The following PTPRD variants were observed in gnomAD, a reference collection of about 807,000 sequenced individuals.
PTPRD encodes receptor-type tyrosine-protein phosphatase delta.
Under a neutral mutation model 214.5 loss-of-function variants are expected in PTPRD, and 34 were observed. The ratio of observed to expected loss-of-function variants is 0.16; its 90% CI spans 0.12 to 0.21. The LOEUF (loss-of-function observed/expected upper bound fraction) is 0.21, where lower values mean the gene tolerates loss of function less well. PTPRD is among the 10% of genes least tolerant of loss of function. The pLI is 1.00. For synonymous variants in PTPRD, 1,128 were observed against 845.7 expected, an observed-to-expected ratio of 1.33 and a Z score of -5.79; for missense variants, 2,545 against 2,398.7, an observed-to-expected ratio of 1.06 and a Z score of -1.27.
intron 12 of PTPRD, among the ~76,000 whole-genome samples, chr9:8,730,999 G>T (rs1300881664): frequency 6.6e-6 from 1 of 152,088 alleles, no homozygotes; most frequent in Non-Finnish European, 1.5e-5. Context: ...AAATAATAGT[G>T]GATATACAAG....
chr9:9,611,251 T>A (rs2094496279), intron 7 of PTPRD, among the ~76,000 whole-genome samples: 1 of 152,202 alleles, frequency 6.6e-6, no homozygotes, highest in African/African-American at 2.4e-5. Flanking sequence ...TGATGACATA[T>A]AAATAACAGA....
intron 9 of PTPRD, among the ~76,000 whole-genome samples, chr9:9,208,835 T>C (rs1334272351): frequency 1.3e-5 from 2 of 150,456 alleles, no homozygotes; most frequent in Non-Finnish European, 3.0e-5. Flanking sequence ...TGAGATGGAG[T>C]CTCGCTCTGT....
intron 5 of PTPRD, among the ~76,000 whole-genome samples, chr9:9,769,784 G>A (rs1055538181): frequency 2.2e-4 from 33 of 149,498 alleles, no homozygotes; most frequent in Admixed American, 8.0e-4. Flanking sequence ...AACAGGCCCC[G>A]GTGTGTGATG....
At chr9:9,426,630 G>A (rs1029140070) in intron 8 of PTPRD, among the ~76,000 whole-genome samples, 3 of 152,160 alleles carry the variant, frequency 2.0e-5, no homozygotes, top group Admixed American at 6.5e-5. Flanking sequence ...CCTGACCCCC[G>A]AGTCGCCTAA....
chr9:10,498,264 C>A (rs921477070), intron 2 of PTPRD, among the ~76,000 whole-genome samples: 1 of 151,848 alleles, frequency 6.6e-6, no homozygotes, highest in African/African-American at 2.4e-5. Context: ...GTTATGACTT[C>A]CTCCTAAGGG....
intron 7 of PTPRD, among the ~76,000 whole-genome samples, chr9:9,580,895 T>C (rs990261264): frequency 6.6e-6 from 1 of 152,042 alleles, no homozygotes; most frequent in African/African-American, 2.4e-5. Flanking sequence ...GTTGTTAAGT[T>C]GTTTGAGTTC....
intron 12 of PTPRD, among the ~76,000 whole-genome samples, chr9:8,646,393 G>T (rs914475643): frequency 1.1e-4 from 16 of 152,062 alleles, no homozygotes; most frequent in Non-Finnish European, 2.1e-4. Flanking sequence ...GCTTACTCCT[G>T]CAAACTAACA....
chr9:9,088,079 A>C (rs1272318454), intron 10 of PTPRD, among the ~76,000 whole-genome samples: 4 of 150,752 alleles, frequency 2.7e-5, no homozygotes, highest in African/African-American at 9.7e-5. Flanking sequence ...ACGGGGTTTC[A>C]CCAAGTTGTC....
In PTPRD at chr9:8,739,946, G is replaced by C. The variant is rs576503311; in HGVS notation, c.-103-6000C>G. Among the ~76,000 whole-genome samples the C allele has an allele frequency of 4.6e-5, 7 of 152,254 alleles. No individual in the cohort carries two copies. In the South Asian group the frequency reaches 1.5e-3, roughly 32 times the overall value. On this transcript the variant is annotated intron_variant, in intron 11 of 45. Coordinates refer to ENST00000381196, the MANE Select transcript of PTPRD (RefSeq NM_002839.4). Reference sequence around the variant, plus strand: ...GTGACTTTCACCCTCCACCATGATTGTGAGGCGTCCCCAGCCATGTGGAAC... The same window carrying C: ...GTGACTTTCACCCTCCACCATGATTCTGAGGCGTCCCCAGCCATGTGGAAC...
At chr9:10,023,353 A>C (rs904904489) in intron 4 of PTPRD, among the ~76,000 whole-genome samples, 3 of 152,168 alleles carry the variant, frequency 2.0e-5, no homozygotes, top group African/African-American at 7.2e-5. Flanking sequence ...TGCCACAGAC[A>C]TGTATGCCTG....
In PTPRD at chr9:10,478,418, C is replaced by A. The variant is rs997584028; in HGVS notation, c.-600+133980G>T. ...GATACCTGTACAAAGGAGATAATACCCGTATCTGGAAACTACTTAGCATTT... is the reference window on the plus strand; with the variant it reads ...GATACCTGTACAAAGGAGATAATACACGTATCTGGAAACTACTTAGCATTT... On this transcript the variant is annotated intron_variant, in intron 2 of 45. Transcript: ENST00000381196. Among the ~76,000 whole-genome samples, 8 of 152,040 alleles carry A rather than the reference C, an allele frequency of 5.3e-5. No homozygotes were observed. The East Asian group carries it at 1.5e-3, about 29-fold the overall frequency.
intron 9 of PTPRD, among the ~76,000 whole-genome samples, chr9:9,242,047 C>G (rs953117004): frequency 6.6e-6 from 1 of 152,010 alleles, no homozygotes; most frequent in Non-Finnish European, 1.5e-5. Flanking sequence ...CTGGTGGTGA[C>G]AAAATCTCTC....
intron 7 of PTPRD, among the ~76,000 whole-genome samples, chr9:9,601,172 G>A (rs1199742020): frequency 6.7e-6 from 1 of 149,368 alleles, no homozygotes; most frequent in Non-Finnish European, 1.5e-5. Context: ...AGAGTGGGGA[G>A]AGAGAGAGAA....
chr9:9,969,020 G>T (rs1021955900), intron 4 of PTPRD, among the ~76,000 whole-genome samples: 19 of 152,112 alleles, frequency 1.2e-4, no homozygotes, highest in Non-Finnish European at 2.5e-4. Context: ...GTAGGAGAGA[G>T]TCCATAGTCA....
At chr9:8,799,779 A>T (rs1377325110) in intron 11 of PTPRD, among the ~76,000 whole-genome samples, 2 of 152,036 alleles carry the variant, frequency 1.3e-5, no homozygotes, top group Non-Finnish European at 2.9e-5. Flanking sequence ...TATTTACTCT[A>T]CCAATGCTCC....
chr9:9,436,959 T>C (rs1344458329), intron 8 of PTPRD, among the ~76,000 whole-genome samples: 2 of 152,156 alleles, frequency 1.3e-5, no homozygotes, highest in African/African-American at 2.4e-5. Flanking sequence ...TCAGGAAAGC[T>C]GCTAGCCTCT....
chr9:10,340,990 T>C lies in PTPRD; in HGVS notation c.-572A>G, dbSNP rs944661992. 3 of 151,984 alleles carry C rather than the reference T, an allele frequency of 2.0e-5. No homozygotes were observed. Among genetic ancestry groups the C allele is most frequent in the Non-Finnish European group, 4.4e-5 (3 of 67,912 alleles). 9.4% of individuals were successfully genotyped at this position (151,984 alleles called of 1,614,324 possible). A position where few individuals can be genotyped will look rare whatever the true frequency, so the allele number is the denominator to read the frequency against. On this transcript the variant is annotated 5_prime_UTR_variant, in exon 3 of 46. Coordinates refer to ENST00000381196, the MANE Select transcript of PTPRD (RefSeq NM_002839.4). ...GTTGTGTGACTTTGAGACAGGTCCT[T>C]TACTTCCTTGATTCTTCACTTCTTC...
chr9:9,707,715 C>G lies in PTPRD; in HGVS notation c.-287+26818G>C, dbSNP rs375962456. The stretch of plus-strand genomic sequence containing the variant: ...CTAAAATGTATAAAATACTTAAACC[C>G]TTTCTTATAGTCACATCATGTACGT... On this transcript the variant is annotated intron_variant, in intron 7 of 45. Coordinates refer to ENST00000381196, the MANE Select transcript of PTPRD (RefSeq NM_002839.4). 7.2e-5 allele frequency among the ~76,000 whole-genome samples: 11 copies of G among 152,092 alleles called. No individual in the cohort carries two copies. In the East Asian group the frequency reaches 1.9e-3, roughly 27 times the overall value.
intron 9 of PTPRD, among the ~76,000 whole-genome samples, chr9:9,261,285 G>A (rs942245799): frequency 6.6e-6 from 1 of 151,688 alleles, no homozygotes; most frequent in Non-Finnish European, 1.5e-5. Flanking sequence ...TTTTTAGAAT[G>A]TTTATTTTAT....
Sources: allele counts gnomAD v4.1 joint callset (sites outside exome capture counted in the v4.1 genomes callset), GRCh38; gene constraint gnomAD v4.1.1; transcripts MANE v1.5; gene names NCBI Gene and HGNC (gene_info 2026-07-23, HGNC 2026-07-21).